EDA: variants seen among roughly 807,000 people sequenced by gnomAD.
EDA encodes ectodysplasin-A.
In EDA, 2 loss-of-function variants were observed where a neutral mutation model predicts 23.6. That is an observed-to-expected ratio of 0.08 (90% confidence interval 0.03 to 0.27). EDA has a LOEUF of 0.27. EDA is among the 10% of genes least tolerant of loss of function. The pLI is 1.00. For missense variants in EDA, 229 were observed against 324.2 expected (o/e 0.71, Z 2.26); for synonymous variants, 131 against 132.0 (o/e 0.99, Z 0.05).
At chrX:69,728,424 G>A (rs1442621061) in intron 1 of EDA, among the ~76,000 whole-genome samples, 3 of 111,847 alleles carry the variant, frequency 2.7e-5, no homozygotes, top group African/African-American at 9.8e-5. Flanking sequence ...AACATCCTGT[G>A]GAGAAAGAGT....
chrX:69,823,332 A>G (rs1387944105), intron 1 of EDA, among the ~76,000 whole-genome samples: 1 of 84,860 alleles, frequency 1.2e-5, no homozygotes, highest in Admixed American at 1.3e-4. Flanking sequence ...AAGTGTTCCT[A>G]TTTTTCCACA....
chrX:69,773,927 A>G (rs967438964), intron 1 of EDA, among the ~76,000 whole-genome samples: 4 of 111,626 alleles, frequency 3.6e-5, no homozygotes, highest in Admixed American at 2.9e-4. Context: ...TTTTTATTCC[A>G]TAAATAATCT....
intron 2 of EDA, among the ~76,000 whole-genome samples, chrX:69,998,231 T>C (rs1341863822): frequency 1.8e-5 from 2 of 112,262 alleles, no homozygotes; most frequent in African/African-American, 6.5e-5. Flanking sequence ...CCCAAGACCA[T>C]GGGAACCCAC....
intron 1 of EDA, among the ~76,000 whole-genome samples, chrX:69,777,860 A>G (rs1345121610): frequency 8.9e-6 from 1 of 112,324 alleles, no homozygotes; most frequent in Non-Finnish European, 1.9e-5. Context: ...AGGTTTTGCT[A>G]AAAATGCATG....
At chrX:69,715,285 T>C (rs1487699618) in intron 1 of EDA, among the ~76,000 whole-genome samples, 2 of 110,052 alleles carry the variant, frequency 1.8e-5, no homozygotes. Flanking sequence ...CATTCCCCTC[T>C]TTGTGTCCGT....
intron 2 of EDA, among the ~76,000 whole-genome samples, chrX:69,961,269 C>G (rs937571228): frequency 9.0e-6 from 1 of 111,111 alleles, no homozygotes; most frequent in African/African-American, 3.3e-5. Flanking sequence ...GCCACTGCAT[C>G]CAGCCTAGAC....
chrX:69,825,786 A>G (rs1381216956), intron 1 of EDA, among the ~76,000 whole-genome samples: 2 of 110,346 alleles, frequency 1.8e-5, no homozygotes, highest in East Asian at 5.7e-4. Flanking sequence ...TTTAATTGTG[A>G]TGTTAGGGTG....
At chrX:69,661,749 G>A (rs760229258) in intron 1 of EDA, among the ~76,000 whole-genome samples, 3 of 111,479 alleles carry the variant, frequency 2.7e-5, no homozygotes, top group Admixed American at 1.9e-4. Flanking sequence ...GGTTACTGTA[G>A]CCTTGTAGTA....
At chrX:69,665,212 T>A (rs1016669549) in intron 1 of EDA, among the ~76,000 whole-genome samples, 1 of 112,449 alleles carries the variant, frequency 8.9e-6, no homozygotes, top group African/African-American at 3.2e-5. Context: ...TGGATGTTAA[T>A]CTCTTGTCAG....
intron 1 of EDA, among the ~76,000 whole-genome samples, chrX:69,765,264 A>G (rs2014436691): frequency 8.9e-6 from 1 of 112,508 alleles, no homozygotes; most frequent in South Asian, 3.6e-4. Context: ...GGCCTACTAT[A>G]TGCCAGCATT....
In EDA at chrX:69,755,033, T is replaced by G. The variant is rs1446480168; in HGVS notation, c.396+138329T>G. Among the ~76,000 whole-genome samples the G allele has an allele frequency of 6.2e-5, 7 of 112,339 alleles. No individual in the cohort carries two copies. The Admixed American group carries it at 6.6e-4, about 11-fold the overall frequency. Reference sequence around the variant, plus strand: ...TTAGCTTGGAGAAGTTTGTTGTTACTGATCATCTGAAGCCTTCTTCTCTCA... The same window carrying G: ...TTAGCTTGGAGAAGTTTGTTGTTACGGATCATCTGAAGCCTTCTTCTCTCA... On this transcript the variant is annotated intron_variant, in intron 1 of 7. Transcript: ENST00000374552.
chrX:69,971,480 AAAGT>A (rs1330641240), intron 2 of EDA, among the ~76,000 whole-genome samples: 1 of 112,038 alleles, frequency 8.9e-6, no homozygotes, highest in African/African-American at 3.2e-5. Context: ...CCATAGCAAC[AAAGT>A]AAGTAATCTT....
intron 2 of EDA, among the ~76,000 whole-genome samples, chrX:69,970,915 T>C (rs1027013996): frequency 5.4e-5 from 6 of 111,653 alleles, no homozygotes; most frequent in Admixed American, 9.6e-5. Context: ...GAAAGAAATC[T>C]GAGGTATAGT....
intron 1 of EDA, among the ~76,000 whole-genome samples, chrX:69,790,249 T>C (rs755636744): frequency 9.0e-6 from 1 of 110,550 alleles, no homozygotes; most frequent in South Asian, 3.9e-4. Context: ...AGTTTTAGGG[T>C]ACATGTGCAC....
intron 2 of EDA, among the ~76,000 whole-genome samples, chrX:69,975,566 C>T (rs183425824): frequency 7.2e-5 from 8 of 111,192 alleles, no homozygotes; most frequent in Non-Finnish European, 1.3e-4. Flanking sequence ...CTACAAACCT[C>T]GGCATCACAC....
intron 1 of EDA, among the ~76,000 whole-genome samples, chrX:69,692,074 G>T (rs2520375): frequency 0.31 from 33,625 of 110,133 alleles, 4,872 homozygotes; most frequent in Middle Eastern, 0.54. Context: ...GGAATTGAAT[G>T]CTACTGTCTC....
intron 1 of EDA, among the ~76,000 whole-genome samples, chrX:69,918,929 C>T (rs2147662641): frequency 1.8e-5 from 2 of 110,133 alleles, no homozygotes; most frequent in East Asian, 5.7e-4. Flanking sequence ...GATAAGTAAC[C>T]ATTTGGAGTA....
At chrX:69,685,415 G>T (rs1332954713) in intron 1 of EDA, among the ~76,000 whole-genome samples, 1 of 111,243 alleles carries the variant, frequency 9.0e-6, no homozygotes. Flanking sequence ...GATAATATCT[G>T]GGCCTTTATG....
At chrX:69,758,784 C>T (rs1322827700) in intron 1 of EDA, among the ~76,000 whole-genome samples, 5 of 111,156 alleles carry the variant, frequency 4.5e-5, no homozygotes, top group African/African-American at 9.8e-5. Context: ...TGCGGTGAGC[C>T]GAGATCGCAC....
Sources: allele counts gnomAD v4.1 joint callset (sites outside exome capture counted in the v4.1 genomes callset), GRCh38; gene constraint gnomAD v4.1.1; transcripts MANE v1.5; gene names NCBI Gene and HGNC (gene_info 2026-07-23, HGNC 2026-07-21).